DCLK1: variants seen among roughly 807,000 people sequenced by gnomAD.
The protein encoded by DCLK1 is doublecortin like kinase 1.
Under a neutral mutation model 86.2 loss-of-function variants are expected in DCLK1, and 16 were observed. The observed-to-expected ratio is 0.19, with a 90% CI of 0.13 to 0.28. The LOEUF is 0.28. Among genes scored for constraint, DCLK1 ranks in the 10% least tolerant of loss-of-function variants. The probability of loss-of-function intolerance (pLI) is 1.00; values close to 1 mark genes in which losing one functional copy is unlikely to be tolerated. For missense variants in DCLK1, 590 were observed against 940.2 expected, an observed-to-expected ratio of 0.63 and a Z score of 4.87; for synonymous variants, 369 against 370.5, an observed-to-expected ratio of 1.00 and a Z score of 0.05.
chr13:35,885,995 CTGAATAGGTTCCTTTTT>C (rs1326775389), intron 4 of DCLK1, among the ~76,000 whole-genome samples: 1 of 147,590 alleles, frequency 6.8e-6, no homozygotes, highest in African/African-American at 2.5e-5. Context: ...TAGATAAAGG[CTGAATAGGTTCCTTTTT>C]TTTTTTTTTT....
chr13:35,863,337 A>G (rs1277514357), intron 5 of DCLK1, among the ~76,000 whole-genome samples: 1 of 152,234 alleles, frequency 6.6e-6, no homozygotes, highest in African/African-American at 2.4e-5. Context: ...GACCTAATGC[A>G]TGTCTGGAAC....
chr13:35,940,870 A>G (rs1033563833), intron 4 of DCLK1, among the ~76,000 whole-genome samples: 2 of 152,184 alleles, frequency 1.3e-5, no homozygotes, highest in African/African-American at 4.8e-5. Context: ...ATTAAGCCCC[A>G]CAAATGAAGC....
At chr13:35,848,109 C>A (rs1330697378) in intron 6 of DCLK1, 18 of 985,154 alleles carry the variant, frequency 1.8e-5, no homozygotes, top group Non-Finnish European at 1.9e-5. Flanking sequence ...TGAACTACAG[C>A]ACGATGTCTT....
intron 3 of DCLK1, among the ~76,000 whole-genome samples, chr13:35,978,743 AC>A (rs2153141130): frequency 6.6e-6 from 1 of 152,248 alleles, no homozygotes; most frequent in Non-Finnish European, 1.5e-5. Context: ...ATTTACACTT[AC>A]CCTGACAAGA....
Position 35,827,757 on chromosome 13 carries a change from G to C in DCLK1, c.1288-3C>G. ...ACTTCATTCTGGATCATGTGCTCCT[G>C]TCCAAAGGAAAAGTTATCTTCATCA... On this transcript the variant is annotated splice_polypyrimidine_tract_variant and splice_region_variant and intron_variant, in intron 9 of 16. Transcript: ENST00000360631. 6.2e-7 allele frequency: 1 copy of C among 1,613,390 alleles called. No individual in the cohort carries two copies. The highest frequency in any genetic ancestry group is 8.5e-7 in the Non-Finnish European group (1 of 1,179,942).
rs1566022863 is a variant in DCLK1, at chr13:36,126,043, C to A, written c.95G>T (p.Ser32Ile). The A allele has an allele frequency of 2.5e-6, 4 of 1,613,510 alleles. No individual in the cohort carries two copies. Among genetic ancestry groups the A allele is most frequent in the African/African-American group, 1.3e-5 (1 of 74,938 alleles). The change falls in exon 2 of 17, where the codon AGC becomes ATC. Residue 32 changes from serine to isoleucine, a missense_variant. Physicochemically the swap from Ser to Ile is moderately radical, Grantham distance 142 (BLOSUM62 -2). This residue lies in a region of DCLK1 where 50 missense variants were observed against 47.8 expected (regional missense o/e 1.05). Coordinates refer to ENST00000360631, the MANE Select transcript of DCLK1 (RefSeq NM_001330071.2). Reference sequence around the variant, plus strand: ...GCTGCAGTGGGCGCTGTGCGTCGGGCTCGGCAGGCCGTTCACCCGCGACCC... The same window carrying A: ...GCTGCAGTGGGCGCTGTGCGTCGGGATCGGCAGGCCGTTCACCCGCGACCC... The part of the protein sequence containing the change: ...SRGSRVNGLP[S>I]PTHSAHCSFY...
chr13:35,988,612 G>A (rs542362566), intron 3 of DCLK1, among the ~76,000 whole-genome samples: 1 of 152,332 alleles, frequency 6.6e-6, no homozygotes, highest in East Asian at 1.9e-4. Context: ...ACTGCATGCA[G>A]ATGGCTTTCT....
At chr13:35,775,912 A>C (rs954724680) in intron 16 of DCLK1, among the ~76,000 whole-genome samples, 1 of 152,212 alleles carries the variant, frequency 6.6e-6, no homozygotes, top group African/African-American at 2.4e-5. Context: ...TTCCAAAATG[A>C]AGTAATAAAG....
chr13:35,886,008 T>C (rs1313446970), intron 4 of DCLK1, among the ~76,000 whole-genome samples: 4 of 70,276 alleles, frequency 5.7e-5, no homozygotes, highest in Non-Finnish European at 1.2e-4. Flanking sequence ...AATAGGTTCC[T>C]TTTTTTTTTT....
At chr13:36,016,567 G>C (rs1490180208) in intron 3 of DCLK1, among the ~76,000 whole-genome samples, 2 of 152,088 alleles carry the variant, frequency 1.3e-5, no homozygotes, top group Non-Finnish European at 2.9e-5. Flanking sequence ...CTTTTATCTG[G>C]ATTTCCTCTT....
rs1441533489 is a variant in DCLK1, at chr13:35,864,724, C to A, written c.940+6500G>T. 2.7e-5 allele frequency among the ~76,000 whole-genome samples: 4 copies of A among 147,194 alleles called. No homozygotes were observed. The East Asian group carries it at 8.0e-4, about 30-fold the overall frequency. ...CTGGAGTGCAGTGGTGTGATCATGG[C>A]TGACTTTAGCCTCAAACTCCTAGGC... On this transcript the variant is annotated intron_variant, in intron 5 of 16. Coordinates refer to ENST00000360631, the MANE Select transcript of DCLK1 (RefSeq NM_001330071.2).
intron 16 of DCLK1, among the ~76,000 whole-genome samples, chr13:35,781,039 T>A (rs2086515868): frequency 6.6e-6 from 1 of 152,218 alleles, no homozygotes; most frequent in African/African-American, 2.4e-5. Context: ...CGTTCTGACA[T>A]TAAATTGGGA....
chr13:35,882,865 G>A (rs535033646), intron 4 of DCLK1, among the ~76,000 whole-genome samples: 10 of 152,250 alleles, frequency 6.6e-5, no homozygotes, highest in South Asian at 6.2e-4. Context: ...ATACTCCAGC[G>A]GAGGAAATGA....
intron 3 of DCLK1, among the ~76,000 whole-genome samples, chr13:36,019,027 G>A (rs1394131889): frequency 6.6e-6 from 1 of 152,038 alleles, no homozygotes; most frequent in African/African-American, 2.4e-5. Context: ...AGGTATGTGT[G>A]GTAACTTTGC....
chr13:35,965,679 A>G (rs1878698353), intron 3 of DCLK1, among the ~76,000 whole-genome samples: 1 of 152,174 alleles, frequency 6.6e-6, no homozygotes, highest in Admixed American at 6.5e-5. Context: ...TCTTTTAGGA[A>G]GACTGACTGG....
chr13:35,946,000 C>A (rs976171935), intron 4 of DCLK1, among the ~76,000 whole-genome samples: 1 of 152,016 alleles, frequency 6.6e-6, no homozygotes, highest in Non-Finnish European at 1.5e-5. Context: ...AATTCTTATC[C>A]CTCCCTACAC....
At chr13:36,095,093 A>G (rs1309298566) in intron 3 of DCLK1, among the ~76,000 whole-genome samples, 4 of 152,146 alleles carry the variant, frequency 2.6e-5, no homozygotes, top group Non-Finnish European at 5.9e-5. Context: ...CAAGAACCAG[A>G]AATTTCTTTT....
At chr13:36,098,072 T>G (rs1885077507) in intron 3 of DCLK1, among the ~76,000 whole-genome samples, 1 of 152,168 alleles carries the variant, frequency 6.6e-6, no homozygotes, top group Admixed American at 6.5e-5. Flanking sequence ...GAAATTTTAG[T>G]TAGTGCCTGG....
At chr13:35,817,843 T>C (rs868417414) in intron 11 of DCLK1, among the ~76,000 whole-genome samples, 1 of 152,220 alleles carries the variant, frequency 6.6e-6, no homozygotes, top group South Asian at 2.1e-4. Flanking sequence ...GGTCAACTAA[T>C]AGCCTTTTGA....
Sources: allele counts gnomAD v4.1 joint callset (sites outside exome capture counted in the v4.1 genomes callset), GRCh38; gene constraint gnomAD v4.1.1; regional missense constraint gnomAD v4.1.1; transcripts MANE v1.5; gene names NCBI Gene and HGNC (gene_info 2026-07-23, HGNC 2026-07-21).